Variants in SLC24A4 observed in about 807,000 individuals in gnomAD.
SLC24A4 encodes sodium/potassium/calcium exchanger 4.
In SLC24A4, 53 loss-of-function variants were observed where a neutral mutation model predicts 79.0. That is an observed-to-expected ratio of 0.67 (90% CI 0.54 to 0.84). The LOEUF (loss-of-function observed/expected upper bound fraction) is 0.84, where lower values mean the gene tolerates loss of function less well. Ranked by LOEUF, SLC24A4 falls within the 40% of genes least tolerant of loss-of-function variation. The pLI is 0.00. For synonymous variants in SLC24A4, 323 were observed against 323.8 expected (o/e 1.00, Z 0.03); for missense variants, 731 against 822.0 (o/e 0.89, Z 1.35).
At chr14:92,396,698 G>A (rs1049389562) in intron 2 of SLC24A4, among the ~76,000 whole-genome samples, 6 of 152,164 alleles carry the variant, frequency 3.9e-5, no homozygotes, top group Non-Finnish European at 2.9e-5. Flanking sequence ...TAGGTTTGAT[G>A]CCCAGCGTGC....
At chr14:92,423,210 T>C (rs961329267) in intron 2 of SLC24A4, among the ~76,000 whole-genome samples, 2 of 152,208 alleles carry the variant, frequency 1.3e-5, no homozygotes, top group Non-Finnish European at 2.9e-5. Flanking sequence ...AGTGGCACGA[T>C]CTCGGCTCAC....
At chr14:92,433,803 C>T in intron 2 of SLC24A4, 109 bp from the exon 3 acceptor site, 1 of 912,118 alleles carries the variant, frequency 1.1e-6, no homozygotes, top group South Asian at 1.4e-5. Context: ...CTGATCAGTC[C>T]AAAGCGAGGT....
At chr14:92,325,642 A>C (rs1885083976) in intron 1 of SLC24A4, among the ~76,000 whole-genome samples, 1 of 152,218 alleles carries the variant, frequency 6.6e-6, no homozygotes, top group Non-Finnish European at 1.5e-5. Context: ...AGGTCAGGTC[A>C]CATGCTGACC....
chr14:92,472,687 T>C (rs988658353), intron 12 of SLC24A4, among the ~76,000 whole-genome samples: 3 of 152,224 alleles, frequency 2.0e-5, no homozygotes, highest in Admixed American at 6.5e-5. Flanking sequence ...CACTCATTGA[T>C]TGATGAGCAT....
At chr14:92,383,732 T>C (rs78116952) in intron 2 of SLC24A4, among the ~76,000 whole-genome samples, 2,907 of 152,288 alleles carry the variant, frequency 0.019, 52 homozygotes, top group Non-Finnish European at 0.03. Context: ...CGTGAGCGTA[T>C]GAATGTTCAT....
chr14:92,444,932 T>TAC (rs10548937), intron 7 of SLC24A4, among the ~76,000 whole-genome samples: 9,817 of 142,796 alleles, frequency 0.069, 331 homozygotes, highest in Admixed American at 0.096. Context: ...TACACACACA[T>TAC]ACACACACAC....
chr14:92,432,831 C>A (rs1342749187), intron 2 of SLC24A4, among the ~76,000 whole-genome samples: 2 of 151,972 alleles, frequency 1.3e-5, no homozygotes, highest in African/African-American at 2.4e-5. Context: ...GAGCTTAGGG[C>A]CCAATTATAT....
chr14:92,413,045 C>T (rs903696045), intron 2 of SLC24A4, among the ~76,000 whole-genome samples: 4 of 152,174 alleles, frequency 2.6e-5, no homozygotes, highest in African/African-American at 4.8e-5. Flanking sequence ...CATGCCACAG[C>T]GGCAGCGTTG....
intron 5 of SLC24A4, 113 bp downstream of exon 5, chr14:92,442,286 A>T: frequency 1.3e-6 from 1 of 761,684 alleles, no homozygotes; most frequent in Non-Finnish European, 2.2e-6. Flanking sequence ...GTAAAATGGG[A>T]GAATTGGAGA....
intron 2 of SLC24A4, among the ~76,000 whole-genome samples, chr14:92,335,105 G>A (rs1885708556): frequency 6.6e-6 from 1 of 152,168 alleles, no homozygotes; most frequent in African/African-American, 2.4e-5. Flanking sequence ...AGTGGTTTAT[G>A]TGTTTTTAAT....
At chr14:92,331,658 G>T (rs913336232) in intron 2 of SLC24A4, among the ~76,000 whole-genome samples, 5 of 152,178 alleles carry the variant, frequency 3.3e-5, no homozygotes, top group African/African-American at 1.2e-4. Flanking sequence ...AGCCTTGTTT[G>T]CATTTTAAAA....
intron 12 of SLC24A4, among the ~76,000 whole-genome samples, chr14:92,480,112 A>G (rs529617013): frequency 4.0e-5 from 6 of 149,490 alleles, no homozygotes; most frequent in African/African-American, 1.5e-4. Context: ...ATCTTTTCAA[A>G]GAGGCAACTT....
At chr14:92,408,354 A>G (rs778807586) in intron 2 of SLC24A4, 2 of 983,656 alleles carry the variant, frequency 2.0e-6, no homozygotes, top group South Asian at 4.7e-5. Context: ...TTCATTATTT[A>G]CTTGACCATC....
chr14:92,460,805 C>G (rs760702437), intron 12 of SLC24A4, among the ~76,000 whole-genome samples: 1 of 152,324 alleles, frequency 6.6e-6, no homozygotes, highest in African/African-American at 2.4e-5. Context: ...ACAGCCTGCT[C>G]CCTCCTCGCT....
At chr14:92,430,569 C>T (rs774151021) in intron 2 of SLC24A4, among the ~76,000 whole-genome samples, 16 of 152,178 alleles carry the variant, frequency 1.1e-4, no homozygotes, top group Admixed American at 6.5e-4. Flanking sequence ...TGCTCACAGT[C>T]GAGGATGGGT....
At chr14:92,380,554 A>G (rs1888785366) in intron 2 of SLC24A4, among the ~76,000 whole-genome samples, 2 of 152,184 alleles carry the variant, frequency 1.3e-5, no homozygotes. Context: ...CCAGAGAAAG[A>G]GGTGATGCAT....
At chr14:92,432,607 C>T (rs1249856400) in intron 2 of SLC24A4, among the ~76,000 whole-genome samples, 2 of 152,152 alleles carry the variant, frequency 1.3e-5, no homozygotes. Context: ...TGCCCTTGAA[C>T]CGACAGCAGC....
At chr14:92,326,749 G>C (rs945005149) in intron 2 of SLC24A4, among the ~76,000 whole-genome samples, 4 of 152,150 alleles carry the variant, frequency 2.6e-5, no homozygotes, top group African/African-American at 9.7e-5. Flanking sequence ...GGAGGATCTG[G>C]GGGGATGATA....
At chr14:92,332,585 A>G (rs971467542) in intron 2 of SLC24A4, among the ~76,000 whole-genome samples, 1 of 152,214 alleles carries the variant, frequency 6.6e-6, no homozygotes, top group Admixed American at 6.5e-5. Context: ...AAAGTTATAC[A>G]TATTAATAGA....
Sources: gnomAD v4.1 joint callset for allele counts (sites outside exome capture counted in the v4.1 genomes callset) on GRCh38, gnomAD v4.1.1 for gene constraint, MANE v1.5 for transcripts, NCBI Gene and HGNC (gene_info 2026-07-23, HGNC 2026-07-21) for gene names.